The following RFX3 variants were observed in gnomAD, a reference collection of about 807,000 sequenced individuals.
The protein encoded by RFX3 is transcription factor RFX3.
A neutral mutation model predicts 98.6 loss-of-function variants in RFX3; 14 were observed. The observed-to-expected ratio is 0.14, with a 90% CI of 0.09 to 0.22. The LOEUF is 0.22. Among genes scored for constraint, RFX3 ranks in the 10% least tolerant of loss-of-function variants. The pLI, the probability that RFX3 is intolerant of heterozygous loss-of-function variation, is 1.00. For synonymous variants in RFX3, 383 were observed against 328.4 expected, an observed-to-expected ratio of 1.17 and a Z score of -1.80; for missense variants, 639 against 926.9, an observed-to-expected ratio of 0.69 and a Z score of 4.03.
At chr9:3,427,476 G>A (rs911556775) in intron 1 of RFX3, among the ~76,000 whole-genome samples, 3 of 142,860 alleles carry the variant, frequency 2.1e-5, no homozygotes, top group Non-Finnish European at 3.0e-5. Flanking sequence ...AATATATATT[G>A]TTATATAATA....
chr9:3,504,205 T>C (rs879629168), intron 1 of RFX3, among the ~76,000 whole-genome samples: 9 of 135,550 alleles, frequency 6.6e-5, no homozygotes, highest in Non-Finnish European at 1.2e-4. Flanking sequence ...ATATATATTA[T>C]ATATATTATA....
At chr9:3,247,783 C>A (rs771004470) in intron 15 of RFX3, 7 of 1,596,012 alleles carry the variant, frequency 4.4e-6, no homozygotes, top group Non-Finnish European at 6.0e-6. Flanking sequence ...TACATAGGTA[C>A]CTGTATAATA....
At chr9:3,486,397 G>A (rs1331408344) in intron 1 of RFX3, among the ~76,000 whole-genome samples, 1 of 152,102 alleles carries the variant, frequency 6.6e-6, no homozygotes, top group Non-Finnish European at 1.5e-5. Context: ...GGAACAAAGA[G>A]TAAACAGAAA....
chr9:3,272,732 A>G (rs1376863827), intron 9 of RFX3, among the ~76,000 whole-genome samples: 1 of 152,184 alleles, frequency 6.6e-6, no homozygotes, highest in Non-Finnish European at 1.5e-5. Flanking sequence ...TCTATATATG[A>G]GATTGCTGTA....
intron 2 of RFX3, among the ~76,000 whole-genome samples, chr9:3,381,438 T>C (rs1839184684): frequency 6.6e-6 from 1 of 152,118 alleles, no homozygotes; most frequent in Non-Finnish European, 1.5e-5. Flanking sequence ...ATAATTTTGC[T>C]CTATCATTTC....
At chr9:3,303,647 G>GAA (rs150313993) in intron 4 of RFX3, among the ~76,000 whole-genome samples, 4 of 143,902 alleles carry the variant, frequency 2.8e-5, no homozygotes, top group Non-Finnish European at 3.1e-5. Flanking sequence ...CTTTTTCTGG[G>GAA]AAAAAAAAAA....
chr9:3,249,484 A>C (rs1170492842), intron 14 of RFX3, among the ~76,000 whole-genome samples: 1 of 152,164 alleles, frequency 6.6e-6, no homozygotes, highest in African/African-American at 2.4e-5. Context: ...AAATAAGTTA[A>C]AGGATGTGAA....
intron 2 of RFX3, among the ~76,000 whole-genome samples, chr9:3,387,539 C>G (rs548595004): frequency 6.6e-6 from 1 of 152,018 alleles, no homozygotes; most frequent in African/African-American, 2.4e-5. Context: ...GCATGGTCCT[C>G]CAAAACACCT....
At chr9:3,513,745 T>C (rs544999389) in intron 1 of RFX3, among the ~76,000 whole-genome samples, 1 of 152,250 alleles carries the variant, frequency 6.6e-6, no homozygotes, top group Admixed American at 6.5e-5. Flanking sequence ...TTTGCATTTC[T>C]ATCAACCCCC....
intron 3 of RFX3, among the ~76,000 whole-genome samples, chr9:3,340,572 C>T (rs1471500857): frequency 6.6e-6 from 1 of 152,128 alleles, no homozygotes; most frequent in Non-Finnish European, 1.5e-5. Flanking sequence ...AAACAAACAA[C>T]CCCATCAAAA....
chr9:3,267,827 C>A (rs1823847297), intron 11 of RFX3, among the ~76,000 whole-genome samples: 1 of 151,838 alleles, frequency 6.6e-6, no homozygotes, highest in Admixed American at 6.6e-5. Flanking sequence ...TTAATAATCC[C>A]TTTTGAAACA....
At chr9:3,462,570 C>T (rs1210830183) in intron 1 of RFX3, among the ~76,000 whole-genome samples, 1 of 151,968 alleles carries the variant, frequency 6.6e-6, no homozygotes, top group Non-Finnish European at 1.5e-5. Context: ...ATGAAAGGCA[C>T]ACAAATTAGA....
chr9:3,342,760 T>C (rs769578443), intron 3 of RFX3, among the ~76,000 whole-genome samples: 2 of 152,176 alleles, frequency 1.3e-5, no homozygotes, highest in Non-Finnish European at 2.9e-5. Context: ...GGTTTAATCA[T>C]AGTATTCTAA....
At position 3,281,479 on chromosome 9, in the gene RFX3, G is replaced by T. The variant is rs547341684; in HGVS notation, c.852-4018C>A. On this transcript the variant is annotated intron_variant, in intron 7 of 16. Transcript: ENST00000617270. Reference sequence around the variant, plus strand: ...TTACTTTATGAATTAATTATTTTTAGATTTGGTTTTCCCAGAGTAAACTCT... The same window carrying T: ...TTACTTTATGAATTAATTATTTTTATATTTGGTTTTCCCAGAGTAAACTCT... Among the ~76,000 whole-genome samples, 165 of 151,336 alleles carry T rather than the reference G, an allele frequency of 1.1e-3. 1 individual carries two copies. The highest frequency in any genetic ancestry group is 3.6e-3 in the African/African-American group (147 of 41,364).
chr9:3,265,661 C>A (rs1024618661), intron 12 of RFX3, among the ~76,000 whole-genome samples: 3 of 152,120 alleles, frequency 2.0e-5, no homozygotes, highest in African/African-American at 4.8e-5. Context: ...GCTAAATAAT[C>A]CACATTCCTG....
At chr9:3,253,060 G>T (rs1467094723) in intron 14 of RFX3, among the ~76,000 whole-genome samples, 1 of 152,152 alleles carries the variant, frequency 6.6e-6, no homozygotes, top group Non-Finnish European at 1.5e-5. Context: ...CCACTGAATT[G>T]TTGCTAAGTT....
chr9:3,519,729 C>G (rs1818515902), intron 1 of RFX3, among the ~76,000 whole-genome samples: 1 of 152,112 alleles, frequency 6.6e-6, no homozygotes, highest in Admixed American at 6.5e-5. Flanking sequence ...TTCTATCCAT[C>G]TATTTAAAGA....
chr9:3,291,062 C>A (rs1422919478), intron 6 of RFX3, among the ~76,000 whole-genome samples: 1 of 152,120 alleles, frequency 6.6e-6, no homozygotes, highest in Non-Finnish European at 1.5e-5. Context: ...GCAGAAAAAT[C>A]TGAACAAACA....
chr9:3,407,392 A>C (rs1357998821), intron 1 of RFX3, among the ~76,000 whole-genome samples: 1 of 152,188 alleles, frequency 6.6e-6, no homozygotes, highest in Non-Finnish European at 1.5e-5. Flanking sequence ...ATGGATGAGA[A>C]AACTGAGGCA....
Sources: allele counts gnomAD v4.1 joint callset (sites outside exome capture counted in the v4.1 genomes callset), GRCh38; gene constraint gnomAD v4.1.1; transcripts MANE v1.5; gene names NCBI Gene and HGNC (gene_info 2026-07-23, HGNC 2026-07-21).